SLIT3: variants seen among roughly 807,000 people sequenced by gnomAD.
The protein encoded by SLIT3 is slit homolog 3 protein.
SLIT3 carries 68 observed loss-of-function variants against 184.0 expected under a neutral mutation model. The observed-to-expected ratio is 0.37, with a 90% CI of 0.30 to 0.45. The LOEUF is 0.45. Ranked by LOEUF, SLIT3 falls within the 20% of genes least tolerant of loss-of-function variation. The pLI, the probability that SLIT3 is intolerant of heterozygous loss-of-function variation, is 1.00. For synonymous variants in SLIT3, 831 were observed against 828.6 expected (o/e 1.00, Z -0.05); for missense variants, 1,707 against 2,026.0 (o/e 0.84, Z 3.02).
chr5:169,233,089 A>G (rs1271710222), intron 3 of SLIT3, among the ~76,000 whole-genome samples: 1 of 152,138 alleles, frequency 6.6e-6, no homozygotes, highest in Non-Finnish European at 1.5e-5. Context: ...GCAGTGGCAC[A>G]ATCTTGGCTC....
chr5:169,288,359 T>TG (rs1194343008), intron 1 of SLIT3, among the ~76,000 whole-genome samples: 1 of 151,950 alleles, frequency 6.6e-6, no homozygotes, highest in Non-Finnish European at 1.5e-5. Flanking sequence ...CCTTGAGTTT[T>TG]TTTTTAATTC....
chr5:168,752,819 A>T (rs1754761576), intron 18 of SLIT3, 136 bp downstream of exon 18: 1 of 836,102 alleles, frequency 1.2e-6, no homozygotes, highest in Non-Finnish European at 1.9e-6. Context: ...TGCCTGGCAC[A>T]TACAGAAAGC....
At chr5:168,854,588 T>C (rs1758790650) in intron 5 of SLIT3, among the ~76,000 whole-genome samples, 1 of 152,220 alleles carries the variant, frequency 6.6e-6, no homozygotes, top group African/African-American at 2.4e-5. Flanking sequence ...GACAGCATAG[T>C]GCTCTCTTGG....
chr5:168,913,460 T>C (rs533837402), intron 4 of SLIT3, among the ~76,000 whole-genome samples: 1 of 152,294 alleles, frequency 6.6e-6, no homozygotes, highest in African/African-American at 2.4e-5. Context: ...TTAAAGAATA[T>C]ATGCCCATGA....
chr5:169,003,310 C>T (rs1755784880), intron 4 of SLIT3, among the ~76,000 whole-genome samples: 1 of 152,170 alleles, frequency 6.6e-6, no homozygotes, highest in African/African-American at 2.4e-5. Context: ...CTGGGCAGAC[C>T]AGGGCACTCA....
At chr5:169,108,458 A>G (rs1214203526) in intron 4 of SLIT3, among the ~76,000 whole-genome samples, 2 of 152,242 alleles carry the variant, frequency 1.3e-5, no homozygotes, top group African/African-American at 2.4e-5. Flanking sequence ...ATGTTCCTCC[A>G]GGCTAGGGAA....
At chr5:168,988,539 G>A (rs1434602491) in intron 4 of SLIT3, among the ~76,000 whole-genome samples, 5 of 152,290 alleles carry the variant, frequency 3.3e-5, no homozygotes, top group East Asian at 1.9e-4. Context: ...TAGAAGGAGG[G>A]TGTGTGGCTT....
At chr5:168,766,490 G>C (rs980089920) in intron 14 of SLIT3, among the ~76,000 whole-genome samples, 2 of 152,242 alleles carry the variant, frequency 1.3e-5, no homozygotes, top group African/African-American at 4.8e-5. Context: ...TGTTTTACTA[G>C]GAGTTTGGTC....
chr5:169,020,916 C>T (rs1180105610), intron 4 of SLIT3, among the ~76,000 whole-genome samples: 1 of 152,188 alleles, frequency 6.6e-6, no homozygotes. Flanking sequence ...GCAAGATAAC[C>T]CTTCCTCCAG....
chr5:168,808,796 C>T (rs1757073111), intron 8 of SLIT3, among the ~76,000 whole-genome samples: 1 of 152,182 alleles, frequency 6.6e-6, no homozygotes, highest in Non-Finnish European at 1.5e-5. Context: ...ATCCCATCAC[C>T]CACATCGAAG....
intron 4 of SLIT3, among the ~76,000 whole-genome samples, chr5:169,055,830 G>C (rs868263634): frequency 7.0e-6 from 1 of 142,924 alleles, no homozygotes; most frequent in Non-Finnish European, 1.5e-5. Flanking sequence ...ACTCTGTCTC[G>C]GAGGAAAAAA....
At chr5:169,262,325 G>A (rs1766221207) in intron 1 of SLIT3, among the ~76,000 whole-genome samples, 1 of 152,212 alleles carries the variant, frequency 6.6e-6, no homozygotes, top group African/African-American at 2.4e-5. Context: ...GTGAGAGGCA[G>A]TGAAGGCACT....
chr5:169,004,575 G>A (rs1160999239), intron 4 of SLIT3, among the ~76,000 whole-genome samples: 4 of 152,144 alleles, frequency 2.6e-5, no homozygotes, highest in African/African-American at 9.7e-5. Context: ...TGAAAATTCT[G>A]CCTCTGCGTC....
chr5:169,007,369 C>T (rs1043092680), intron 4 of SLIT3, among the ~76,000 whole-genome samples: 7 of 152,198 alleles, frequency 4.6e-5, no homozygotes, highest in Non-Finnish European at 1.0e-4. Flanking sequence ...GTCATCATGA[C>T]TCATTGACAA....
chr5:169,261,778 C>T (rs1285814443), intron 1 of SLIT3, among the ~76,000 whole-genome samples: 1 of 152,164 alleles, frequency 6.6e-6, no homozygotes, highest in Non-Finnish European at 1.5e-5. Flanking sequence ...TAGAGACCTG[C>T]TTCTAACCCA....
intron 20 of SLIT3, among the ~76,000 whole-genome samples, chr5:168,738,142 C>T (rs1406745759): frequency 6.6e-6 from 1 of 152,172 alleles, no homozygotes; most frequent in African/African-American, 2.4e-5. Context: ...GAGGCTTTTT[C>T]AGGGGTCTAT....
intron 20 of SLIT3, among the ~76,000 whole-genome samples, chr5:168,747,247 G>A (rs1282990566): frequency 2.0e-5 from 3 of 152,154 alleles, no homozygotes; most frequent in East Asian, 1.9e-4. Context: ...CTCACTTTGC[G>A]TGTCCTAGCA....
At chr5:168,875,343 G>A (rs1372175876) in intron 5 of SLIT3, among the ~76,000 whole-genome samples, 1 of 151,794 alleles carries the variant, frequency 6.6e-6, no homozygotes, top group Non-Finnish European at 1.5e-5. Context: ...AATGAAAGGA[G>A]GAAGGTGGCC....
chr5:168,735,070 C>G (rs1207588466), intron 20 of SLIT3, among the ~76,000 whole-genome samples: 1 of 152,202 alleles, frequency 6.6e-6, no homozygotes, highest in Non-Finnish European at 1.5e-5. Context: ...ACAGTCCAGG[C>G]TCCCAGAGGG....
Sources: allele counts gnomAD v4.1 joint callset (sites outside exome capture counted in the v4.1 genomes callset), GRCh38; gene constraint gnomAD v4.1.1; transcripts MANE v1.5; gene names NCBI Gene and HGNC (gene_info 2026-07-23, HGNC 2026-07-21).